RBPJL: variants seen among roughly 807,000 people sequenced by gnomAD.
RBPJL encodes the protein recombination signal binding protein for immunoglobulin kappa J region like, also known as recombining binding protein suppressor of hairless-like protein.
In RBPJL, 50 loss-of-function variants were observed where a neutral mutation model predicts 57.6. That is an observed-to-expected ratio of 0.87 (90% CI 0.69 to 1.10). The LOEUF is 1.10. Among genes scored for constraint, RBPJL ranks in the 50% least tolerant of loss-of-function variants. The pLI is 0.00. For missense variants in RBPJL, 684 were observed against 693.7 expected (o/e 0.99, Z 0.16); for synonymous variants, 303 against 294.4 (o/e 1.03, Z -0.30).
In RBPJL at chr20:45,314,124, G is replaced by A. The variant is rs368695288; in HGVS notation, c.847G>A (p.Gly283Ser). 9.9e-6 allele frequency: 16 copies of A among 1,613,872 alleles called. No individual in the cohort carries two copies. Among genetic ancestry groups the A allele is most frequent in the South Asian group, 5.5e-5 (5 of 91,076 alleles). The change falls in exon 8 of 12, where the codon GGC becomes AGC. Residue 283 changes from glycine (G) to serine (S), a missense_variant. Coordinates refer to ENST00000343694, the MANE Select transcript of RBPJL (RefSeq NM_014276.4). Reference sequence around the variant, plus strand: ...GGTGCAGCTCGTCTGCACGGTCACCGGCATCACACTACCTCCCATGGTATA... The same window carrying A: ...GGTGCAGCTCGTCTGCACGGTCACCAGCATCACACTACCTCCCATGGTATA... Reference protein sequence around the residue: ...SLVQLVCTVTGITLPPMIIRK... With the variant: ...SLVQLVCTVTSITLPPMIIRK...
chr20:45,316,146 C>G lies in RBPJL; in HGVS notation c.1021-41C>G, dbSNP rs114374593. 795 of 1,598,584 alleles carry G rather than the reference C, an allele frequency of 5.0e-4. 7 individuals are homozygous for G. The African/African-American group carries it at 9.7e-3, about 19-fold the overall frequency. On this transcript the variant is annotated intron_variant, in intron 9 of 11. Coordinates refer to ENST00000343694, the MANE Select transcript of RBPJL (RefSeq NM_014276.4). ...GCTGGCTCCCTACACTGGTGGCCAC[C>G]ATGAGAAGCTTCGGCCTCGTCCCCT... is the stretch of plus-strand genomic sequence containing the variant.
At chr20:45,316,020 G>A in intron 9 of RBPJL, 167 bp from the exon 10 acceptor site, 1 of 502,078 alleles carries the variant, frequency 2.0e-6, no homozygotes. Flanking sequence ...TTAACGCTAA[G>A]TGAGAGAACT....
In RBPJL at chr20:45,307,001, A is replaced by ACC. The variant is rs562994913; in HGVS notation, c.22+63_22+64dup. 2.5e-5 allele frequency: 18 copies of ACC among 729,208 alleles called. No individual in the cohort carries two copies. The Admixed American group carries it at 2.9e-4, about 12-fold the overall frequency. The allele number at this position is 729,208 out of a possible 1,614,324, so 45.2% of individuals were successfully genotyped here. A position where few individuals can be genotyped will look rare whatever the true frequency, so the allele number is the denominator to read the frequency against. Reference sequence around the variant, plus strand: ...CGCCCCGTGAGAACTACGAAGGACCACCCCCCCACCCCCTCCCCACTATAC... The same window carrying ACC: ...CGCCCCGTGAGAACTACGAAGGACCACCCCCCCCCACCCCCTCCCCACTATAC... On this transcript the variant is annotated intron_variant, in intron 1 of 11. Coordinates refer to ENST00000343694, the MANE Select transcript of RBPJL (RefSeq NM_014276.4).
At chr20:45,314,229 G>A (rs1441822623) in intron 8 of RBPJL, 85 bp downstream of exon 8, 4 of 1,334,988 alleles carry the variant, frequency 3.0e-6, no homozygotes, top group South Asian at 1.2e-5. Context: ...TGGAGAGTGA[G>A]GCCCCAAGGC....
At chr20:45,315,319 A>C (rs1029842692) in intron 9 of RBPJL, among the ~76,000 whole-genome samples, 1 of 152,136 alleles carries the variant, frequency 6.6e-6, no homozygotes, top group Non-Finnish European at 1.5e-5. Flanking sequence ...GGAAAATAGC[A>C]AGTATTATTC....
chr20:45,309,276 G>T (rs894097573), intron 2 of RBPJL, among the ~76,000 whole-genome samples: 7 of 152,182 alleles, frequency 4.6e-5, no homozygotes, highest in Non-Finnish European at 8.8e-5. Flanking sequence ...GCTCCAATGG[G>T]CATGATGCCA....
In RBPJL at chr20:45,309,646, A is replaced by G; in HGVS notation, c.211A>G (p.Ile71Val). ...GCAACAGTGTGAACAGACTGTGCGGATCCTGCATGCCAAGGTGGCCCAGAA... is the reference window on the plus strand; with the variant it reads ...GCAACAGTGTGAACAGACTGTGCGGGTCCTGCATGCCAAGGTGGCCCAGAA... ...LQQQCEQTVR[I>V]LHAKVAQKSY... The change falls in exon 3 of 12, where the codon ATC becomes GTC. Residue 71 changes from isoleucine to valine, a missense_variant. Coordinates refer to ENST00000343694, the MANE Select transcript of RBPJL (RefSeq NM_014276.4). The G allele has an allele frequency of 6.2e-7, 1 of 1,613,800 alleles. No individual in the cohort carries two copies.
chr20:45,315,273 T>C lies in RBPJL; in HGVS notation c.1020+708T>C, dbSNP rs895160634. 7.9e-5 allele frequency among the ~76,000 whole-genome samples: 12 copies of C among 152,146 alleles called. 1 individual carries two copies. Among genetic ancestry groups the C allele is most frequent in the African/African-American group, 2.9e-4 (12 of 41,504 alleles). ...AGCAGTAGTACTCCCAAAAGAATAT[T>C]ATCATAGAATGTTACGAGATAGAAT... is the stretch of plus-strand genomic sequence containing the variant. On this transcript the variant is annotated intron_variant, in intron 9 of 11. Coordinates refer to ENST00000343694, the MANE Select transcript of RBPJL (RefSeq NM_014276.4).
chr20:45,309,336 G>A (rs370788439), intron 2 of RBPJL, among the ~76,000 whole-genome samples: 1 of 152,126 alleles, frequency 6.6e-6, no homozygotes, highest in Admixed American at 6.5e-5. Flanking sequence ...TGCAGGCTTC[G>A]TTGAGCACCT....
intron 3 of RBPJL, 141 bp from the exon 4 acceptor site, chr20:45,311,448 G>A (rs894678670): frequency 2.8e-6 from 2 of 720,096 alleles, no homozygotes; most frequent in African/African-American, 3.5e-5. Flanking sequence ...TATGAATGGG[G>A]TTTACAGTCG....
intron 6 of RBPJL, 58 bp downstream of exon 6, chr20:45,312,453 A>C: frequency 6.4e-7 from 1 of 1,551,904 alleles, no homozygotes; most frequent in Non-Finnish European, 8.8e-7. Flanking sequence ...CAAGCCCAGA[A>C]CGGCTAAACT....
At position 45,311,581 on chromosome 20, in the gene RBPJL, C is replaced by A. The variant is rs760750183; in HGVS notation, c.258-8C>A. The A allele has an allele frequency of 1.9e-6, 3 of 1,614,078 alleles. No individual in the cohort carries two copies. The highest frequency in any genetic ancestry group is 4.5e-5 in the East Asian group (2 of 44,884). On this transcript the variant is annotated splice_polypyrimidine_tract_variant and splice_region_variant and intron_variant, in intron 3 of 11. Transcript: ENST00000343694. Reference sequence around the variant, plus strand: ...ATGCACGACTCCAACACTCACTTATCTCCGCAGGTTCTTCTGCCCCCCGCC... The same window carrying A: ...ATGCACGACTCCAACACTCACTTATATCCGCAGGTTCTTCTGCCCCCCGCC...
rs544895487 is a variant in RBPJL, at chr20:45,316,335, C to A, written c.1169C>A (p.Thr390Asn). 1 of 1,613,666 alleles carries A rather than the reference C, an allele frequency of 6.2e-7. No individual in the cohort carries two copies. Among genetic ancestry groups the A allele is most frequent in the East Asian group, 2.2e-5 (1 of 44,854 alleles). Residue 390 changes from threonine to asparagine, a missense_variant, in exon 10 of 12, where the codon ACC (threonine) becomes AAC (asparagine). By Grantham distance (65) the Thr-to-Asn change is moderately conservative. Transcript: ENST00000343694. ...EPVTPVPLISTLELSGGGDVA... is the reference protein window; with the variant it reads ...EPVTPVPLISNLELSGGGDVA... ...GTCACTCCGGTGCCTCTCATCAGCA[C>A]CCTAGAGGTGAAGCCGGGCGCTAGG... is the stretch of plus-strand genomic sequence containing the variant.
intron 5 of RBPJL, 39 bp from the exon 6 acceptor site, chr20:45,312,182 G>A: frequency 1.2e-6 from 2 of 1,613,462 alleles, no homozygotes; most frequent in Non-Finnish European, 1.7e-6. Context: ...GACGGGGGAG[G>A]GCTGGGATGA....
At chr20:45,312,860 T>A (rs1481141319) in intron 6 of RBPJL, among the ~76,000 whole-genome samples, 5 of 149,746 alleles carry the variant, frequency 3.3e-5, no homozygotes, top group African/African-American at 1.2e-4. Flanking sequence ...AAAGAAAAAT[T>A]AGCCTGGCAT....
chr20:45,309,473 T>A, intron 2 of RBPJL, 94 bp from the exon 3 acceptor site: 1 of 1,373,114 alleles, frequency 7.3e-7, no homozygotes, highest in South Asian at 1.5e-5. Context: ...AACCCCCTGC[T>A]CACTTCATTT....
chr20:45,314,225 G>C, intron 8 of RBPJL, 81 bp downstream of exon 8: 1 of 1,372,000 alleles, frequency 7.3e-7, no homozygotes, highest in Non-Finnish European at 1.0e-6. Flanking sequence ...GGGCTGGAGA[G>C]TGAGGCCCCA....
rs375904989 is a variant in RBPJL, at chr20:45,311,603, C to G, written c.272C>G (p.Pro91Arg). The G allele has an allele frequency of 3.1e-6, 5 of 1,614,084 alleles. No individual in the cohort carries two copies. Among genetic ancestry groups the G allele is most frequent in the South Asian group, 1.1e-5 (1 of 91,082 alleles). The change falls in exon 4 of 12, where the codon CCG (proline) becomes CGG (arginine). Residue 91 changes from proline (P) to arginine (R), a missense_variant. Transcript: ENST00000343694. ...TATCTCCGCAGGTTCTTCTGCCCCCCGCCCTGTGTCTACCTCTCGGGGCCT... is the reference window on the plus strand; with the variant it reads ...TATCTCCGCAGGTTCTTCTGCCCCCGGCCCTGTGTCTACCTCTCGGGGCCT... Reference protein sequence around the residue: ...YGNEKRFFCPPPCVYLSGPGW... With the variant: ...YGNEKRFFCPRPCVYLSGPGW...
chr20:45,312,940 C>G (rs1049048832), intron 6 of RBPJL, among the ~76,000 whole-genome samples: 18 of 150,090 alleles, frequency 1.2e-4, no homozygotes, highest in African/African-American at 4.2e-4. Flanking sequence ...CCCAAGAGGT[C>G]GAGGCTGCAG....
Sources: gnomAD v4.1 joint callset for allele counts (sites outside exome capture counted in the v4.1 genomes callset) on GRCh38, gnomAD v4.1.1 for gene constraint, MANE v1.5 for transcripts, NCBI Gene and HGNC (gene_info 2026-07-23, HGNC 2026-07-21) for gene names.